Variants in CTNNA3 observed in about 807,000 individuals in gnomAD.
CTNNA3 encodes the protein catenin alpha 3.
CTNNA3 carries 76 observed loss-of-function variants against 95.7 expected under a neutral mutation model. The observed-to-expected ratio is 0.79, with a 90% confidence interval of 0.66 to 0.96. CTNNA3 has a LOEUF of 0.96. Ranked by LOEUF, CTNNA3 falls within the 40% of genes least tolerant of loss-of-function variation. The pLI, the probability that CTNNA3 is intolerant of heterozygous loss-of-function variation, is 0.00. For missense variants in CTNNA3, 1,191 were observed against 1,089.8 expected (o/e 1.09, Z -1.31); for synonymous variants, 431 against 374.4 (o/e 1.15, Z -1.74).
intron 14 of CTNNA3, 51 bp downstream of exon 14, chr10:66,103,106 C>A: frequency 6.9e-7 from 1 of 1,457,838 alleles, no homozygotes; most frequent in Non-Finnish European, 9.6e-7. Flanking sequence ...AGGGAGGGCA[C>A]AGCCTTCAGT....
intron 3 of CTNNA3, among the ~76,000 whole-genome samples, chr10:67,545,648 T>A (rs1840825248): frequency 6.6e-6 from 1 of 152,104 alleles, no homozygotes; most frequent in African/African-American, 2.4e-5. Context: ...TCAAGAAAGA[T>A]TCTGCAGTTA....
chr10:67,034,099 G>A (rs1381112058), intron 7 of CTNNA3, among the ~76,000 whole-genome samples: 1 of 152,058 alleles, frequency 6.6e-6, no homozygotes, highest in African/African-American at 2.4e-5. Flanking sequence ...GGAAAAATAA[G>A]CTGACACATT....
At chr10:67,645,354 G>A (rs1208587414) in intron 2 of CTNNA3, among the ~76,000 whole-genome samples, 1 of 152,096 alleles carries the variant, frequency 6.6e-6, no homozygotes, top group African/African-American at 2.4e-5. Context: ...TACTCTCTCT[G>A]TTTATAAGCA....
chr10:67,116,534 C>T lies in CTNNA3; in HGVS notation c.1047+63783G>A, dbSNP rs570314584. Reference sequence around the variant, plus strand: ...CCTTCTCATATGTAGAATTTTGCCTCTCCAAAATAGCTCAGATATCTGTGA... The same window carrying T: ...CCTTCTCATATGTAGAATTTTGCCTTTCCAAAATAGCTCAGATATCTGTGA... On this transcript the variant is annotated intron_variant, in intron 7 of 17. Transcript: ENST00000433211. 4.0e-5 allele frequency among the ~76,000 whole-genome samples: 6 copies of T among 151,740 alleles called. No homozygotes were observed. In the South Asian group the frequency reaches 8.3e-4, roughly 21 times the overall value.
At chr10:67,208,621 TAA>T (rs1336095986) in intron 6 of CTNNA3, among the ~76,000 whole-genome samples, 1 of 152,052 alleles carries the variant, frequency 6.6e-6, no homozygotes, top group Non-Finnish European at 1.5e-5. Flanking sequence ...TTCATCTTAA[TAA>T]GAGTTTTAGA....
At chr10:66,080,761 A>T (rs184155657) in intron 14 of CTNNA3, among the ~76,000 whole-genome samples, 1 of 152,238 alleles carries the variant, frequency 6.6e-6, no homozygotes, top group East Asian at 1.9e-4. Context: ...GAGCTAGTAG[A>T]AAAGTACTGG....
intron 17 of CTNNA3, among the ~76,000 whole-genome samples, chr10:65,961,987 G>T (rs746222210): frequency 3.3e-5 from 5 of 152,012 alleles, no homozygotes; most frequent in African/African-American, 1.2e-4. Flanking sequence ...TGAAGCTGTC[G>T]TAACAGTTCT....
chr10:66,603,737 G>C (rs1228204212), intron 10 of CTNNA3, among the ~76,000 whole-genome samples: 2 of 151,990 alleles, frequency 1.3e-5, no homozygotes, highest in African/African-American at 4.8e-5. Context: ...AAGGCATATA[G>C]AACAATGGAA....
At chr10:66,695,916 A>G (rs1298845159) in intron 9 of CTNNA3, among the ~76,000 whole-genome samples, 9 of 119,354 alleles carry the variant, frequency 7.5e-5, no homozygotes, top group African/African-American at 9.8e-5. Flanking sequence ...AAGAGACGTA[A>G]GGGGGGGGGG....
In CTNNA3 at chr10:66,461,403, T is replaced by C. The variant is rs538042280; in HGVS notation, c.1531+59214A>G. Among the ~76,000 whole-genome samples the C allele has an allele frequency of 1.5e-3, 232 of 152,242 alleles. 2 individuals carry two copies. The highest frequency in any genetic ancestry group is 6.8e-3 in the Middle Eastern group (2 of 294). On this transcript the variant is annotated intron_variant, in intron 11 of 17. Coordinates refer to ENST00000433211, the MANE Select transcript of CTNNA3 (RefSeq NM_013266.4). ...AAACAGTTCATTTATTCATAGCTAT[T>C]ATAAATTGCATAATAAAAAGAAGTA...
At chr10:67,521,810 T>A in intron 5 of CTNNA3, 32 bp downstream of exon 5, 2 of 1,603,658 alleles carry the variant, frequency 1.2e-6, no homozygotes, top group Non-Finnish European at 1.7e-6. Context: ...AAAGTGTTCA[T>A]CTCCTCCACC....
rs1159043865 is a variant in CTNNA3 at position 66,652,117 on chromosome 10, A to C, written c.1282-30333T>G. ...GGAACTAAAAAAAAAAAAAAAAAAA[A>C]AACTAAGCCCAAAGTTAGCAGAAGA... is the stretch of plus-strand genomic sequence containing the variant. On this transcript the variant is annotated intron_variant, in intron 9 of 17. Transcript: ENST00000433211. Among the ~76,000 whole-genome samples the C allele has an allele frequency of 2.3e-4, 31 of 132,028 alleles. 3 individuals carry two copies. Among genetic ancestry groups the C allele is most frequent in the Admixed American group, 1.7e-3 (23 of 13,364 alleles). The allele number at this position is 132,028 out of a possible 152,430, so 86.6% of individuals were successfully genotyped here. A position where few individuals can be genotyped will look rare whatever the true frequency, so the allele number is the denominator to read the frequency against.
intron 13 of CTNNA3, among the ~76,000 whole-genome samples, chr10:66,134,758 G>T (rs557188660): frequency 2.6e-5 from 4 of 152,004 alleles, no homozygotes; most frequent in Non-Finnish European, 5.9e-5. Context: ...TCATATAAAG[G>T]TCAAAATGTC....
intron 7 of CTNNA3, among the ~76,000 whole-genome samples, chr10:66,911,972 T>C (rs111687431): frequency 2.4e-3 from 363 of 152,296 alleles, no homozygotes; most frequent in African/African-American, 8.2e-3. Flanking sequence ...ACACAATGAT[T>C]GAAAATTGAA....
chr10:67,333,450 T>C (rs1841874665), intron 5 of CTNNA3, among the ~76,000 whole-genome samples: 1 of 152,212 alleles, frequency 6.6e-6, no homozygotes, highest in South Asian at 2.1e-4. Flanking sequence ...ATACATAATA[T>C]CATCAACAGC....
At chr10:66,293,378 T>G (rs1434176323) in intron 12 of CTNNA3, among the ~76,000 whole-genome samples, 1 of 152,100 alleles carries the variant, frequency 6.6e-6, no homozygotes, top group African/African-American at 2.4e-5. Flanking sequence ...TTCAGAGACA[T>G]TAAAATGAGA....
chr10:66,071,946 A>G (rs1025999942), intron 14 of CTNNA3, among the ~76,000 whole-genome samples: 13 of 152,186 alleles, frequency 8.5e-5, no homozygotes, highest in African/African-American at 3.1e-4. Flanking sequence ...GATTTCATTT[A>G]CTAATTTAAC....
At chr10:65,925,178 C>A (rs1024780297) in intron 17 of CTNNA3, among the ~76,000 whole-genome samples, 7 of 152,234 alleles carry the variant, frequency 4.6e-5, no homozygotes, top group Non-Finnish European at 8.8e-5. Flanking sequence ...TCCATTCTAC[C>A]CAAACACTAG....
At chr10:67,222,382 A>G (rs1179566986) in intron 5 of CTNNA3, among the ~76,000 whole-genome samples, 1 of 152,142 alleles carries the variant, frequency 6.6e-6, no homozygotes, top group East Asian at 1.9e-4. Context: ...TAGGTAACTC[A>G]TCTCTTTCGG....
Sources: gnomAD v4.1 joint callset for allele counts (sites outside exome capture counted in the v4.1 genomes callset) on GRCh38, gnomAD v4.1.1 for gene constraint, MANE v1.5 for transcripts, NCBI Gene and HGNC (gene_info 2026-07-23, HGNC 2026-07-21) for gene names.